Variants in NXN observed in about 807,000 individuals in gnomAD.
NXN encodes nucleoredoxin 1.
Under a neutral mutation model 48.6 loss-of-function variants are expected in NXN, and 16 were observed. The observed-to-expected ratio is 0.33, with a 90% CI of 0.22 to 0.50. The LOEUF (loss-of-function observed/expected upper bound fraction) is 0.50. NXN is among the 20% of genes least tolerant of loss of function. The pLI is 0.98. For synonymous variants in NXN, 281 were observed against 269.6 expected (o/e 1.04, Z -0.41); for missense variants, 492 against 605.5 (o/e 0.81, Z 1.97).
At chr17:903,389 C>T (rs1187325817) in intron 1 of NXN, among the ~76,000 whole-genome samples, 1 of 140,920 alleles carries the variant, frequency 7.1e-6, no homozygotes, top group Non-Finnish European at 1.6e-5. Flanking sequence ...TTGATCTATG[C>T]TTTTTTTTTT....
intron 1 of NXN, among the ~76,000 whole-genome samples, chr17:947,148 C>T (rs951047925): frequency 1.3e-5 from 2 of 152,128 alleles, no homozygotes; most frequent in East Asian, 1.9e-4. Context: ...CCCTCGGTTA[C>T]GAACCCCATT....
intron 1 of NXN, among the ~76,000 whole-genome samples, chr17:969,500 G>A (rs1271595952): frequency 2.6e-5 from 4 of 152,158 alleles, no homozygotes; most frequent in East Asian, 1.9e-4. Flanking sequence ...GCTGGAAAAC[G>A]CTGCACTCAC....
At chr17:951,586 G>A (rs1352067358) in intron 1 of NXN, among the ~76,000 whole-genome samples, 2 of 145,776 alleles carry the variant, frequency 1.4e-5, no homozygotes, top group African/African-American at 5.0e-5. Context: ...TTGGGGGCGG[G>A]AGGGTCTGTC....
intron 1 of NXN, among the ~76,000 whole-genome samples, chr17:957,724 C>T (rs1174964655): frequency 1.3e-5 from 2 of 151,966 alleles, no homozygotes; most frequent in African/African-American, 4.8e-5. Context: ...TGTCTCCTAT[C>T]CCGTCAAGGA....
intron 1 of NXN, among the ~76,000 whole-genome samples, chr17:853,729 T>A (rs1237384286): frequency 3.5e-4 from 43 of 121,162 alleles, no homozygotes; most frequent in Non-Finnish European, 5.2e-4. Flanking sequence ...ATATATTTTT[T>A]TTTTTTTTTC....
chr17:898,102 C>T (rs1486962877), intron 1 of NXN, among the ~76,000 whole-genome samples: 1 of 152,230 alleles, frequency 6.6e-6, no homozygotes, highest in African/African-American at 2.4e-5. Context: ...CTTTCTTCCC[C>T]ACAGCCATTC....
At chr17:971,226 G>C (rs113611215) in intron 1 of NXN, among the ~76,000 whole-genome samples, 1 of 151,866 alleles carries the variant, frequency 6.6e-6, no homozygotes, top group African/African-American at 2.4e-5. Context: ...GATTACAGGC[G>C]TGAGCCACCG....
chr17:810,837 G>A (rs2474686), intron 5 of NXN, among the ~76,000 whole-genome samples: 53,842 of 151,612 alleles, frequency 0.36, 9,718 homozygotes, highest in East Asian at 0.53. Flanking sequence ...TGCAGTGAGC[G>A]GAGATCTTGC....
chr17:977,290 T>C (rs1183333838), intron 1 of NXN, among the ~76,000 whole-genome samples: 1 of 152,178 alleles, frequency 6.6e-6, no homozygotes, highest in Non-Finnish European at 1.5e-5. Context: ...AAATAAAATG[T>C]TTAAGATGCT....
At chr17:807,608 G>A (rs986833487) in intron 5 of NXN, among the ~76,000 whole-genome samples, 2 of 133,126 alleles carry the variant, frequency 1.5e-5, no homozygotes, top group African/African-American at 3.0e-5. Context: ...GAGCACTCAG[G>A]GGCTTCCCCG....
chr17:955,912 AAGAG>A (rs765453987), intron 1 of NXN, among the ~76,000 whole-genome samples: 40 of 151,444 alleles, frequency 2.6e-4, no homozygotes, highest in East Asian at 1.6e-3. Context: ...AAAAAAAAAA[AAGAG>A]AGAGAGAGAG....
At chr17:887,896 T>G (rs544179042) in intron 1 of NXN, among the ~76,000 whole-genome samples, 23 of 152,276 alleles carry the variant, frequency 1.5e-4, no homozygotes, top group African/African-American at 5.1e-4. Context: ...AGGCCTGAGT[T>G]TAAACCCTTG....
intron 5 of NXN, among the ~76,000 whole-genome samples, chr17:812,474 C>G (rs543587937): frequency 3.9e-5 from 6 of 152,208 alleles, no homozygotes; most frequent in Non-Finnish European, 8.8e-5. Context: ...CAGACAGACT[C>G]AAACAGGGAG....
chr17:829,516 C>T (rs568183516), intron 1 of NXN, among the ~76,000 whole-genome samples: 2 of 148,922 alleles, frequency 1.3e-5, no homozygotes, highest in African/African-American at 2.5e-5. Flanking sequence ...AGGTTTGTTA[C>T]GTAGGAATAC....
At chr17:883,333 C>A (rs527329480) in intron 1 of NXN, among the ~76,000 whole-genome samples, 1 of 152,168 alleles carries the variant, frequency 6.6e-6, no homozygotes, top group Non-Finnish European at 1.5e-5. Flanking sequence ...TTCACAGAGG[C>A]CTCTCTTCCT....
intron 1 of NXN, among the ~76,000 whole-genome samples, chr17:914,277 C>T (rs1350016001): frequency 6.5e-5 from 3 of 46,262 alleles, no homozygotes; most frequent in African/African-American, 9.9e-5. Context: ...TCAGGTGACT[C>T]GCCTACCTCA....
At chr17:977,822 C>G (rs1254528349) in intron 1 of NXN, among the ~76,000 whole-genome samples, 1 of 152,182 alleles carries the variant, frequency 6.6e-6, no homozygotes, top group Admixed American at 6.5e-5. Flanking sequence ...TATTTTGAAT[C>G]AAAAAGTACT....
intron 1 of NXN, among the ~76,000 whole-genome samples, chr17:968,661 G>C (rs921096480): frequency 2.0e-5 from 3 of 152,252 alleles, no homozygotes; most frequent in Non-Finnish European, 4.4e-5. Flanking sequence ...AGAGAGGCCA[G>C]GCATGGTGGC....
chr17:933,611 G>A (rs1164685436), intron 1 of NXN, among the ~76,000 whole-genome samples: 3 of 151,742 alleles, frequency 2.0e-5, no homozygotes, highest in South Asian at 2.1e-4. Flanking sequence ...ACTCCCCACC[G>A]CAACACCAAA....
Sources: gnomAD v4.1 joint callset for allele counts (sites outside exome capture counted in the v4.1 genomes callset) on GRCh38, gnomAD v4.1.1 for gene constraint, MANE v1.5 for transcripts, NCBI Gene and HGNC (gene_info 2026-07-23, HGNC 2026-07-21) for gene names.